MAF: variants seen among roughly 807,000 people sequenced by gnomAD.
The protein encoded by MAF is MAF bZIP transcription factor, also known as transcription factor Maf.
MAF carries 10 observed loss-of-function variants against 22.0 expected under a neutral mutation model. The observed-to-expected ratio is 0.45, with a 90% CI of 0.28 to 0.77. MAF has a LOEUF of 0.77. MAF is among the 30% of genes least tolerant of loss of function. MAF has a pLI of 0.12. For synonymous variants in MAF, 337 were observed against 255.8 expected (o/e 1.32, Z -3.03); for missense variants, 544 against 548.4 (o/e 0.99, Z 0.08).
the MAF span, among the ~76,000 whole-genome samples, chr16:79,221,775 G>A: frequency 1.3e-5 from 2 of 152,086 alleles, no homozygotes; most frequent in Admixed American, 1.3e-4. Context: ...GTGTGTGCAT[G>A]TATGTGTAGA....
the MAF span, among the ~76,000 whole-genome samples, chr16:79,570,290 G>C: frequency 2.6e-5 from 4 of 152,112 alleles, no homozygotes; most frequent in Non-Finnish European, 5.9e-5. Context: ...CTTCCAAAAT[G>C]TCCTGTTATC....
the MAF span, among the ~76,000 whole-genome samples, chr16:79,375,120 T>C: frequency 6.6e-6 from 1 of 152,230 alleles, no homozygotes; most frequent in Non-Finnish European, 1.5e-5. Flanking sequence ...AATAAATGAC[T>C]ACACAAGGTA....
the MAF span, among the ~76,000 whole-genome samples, chr16:79,466,844 G>C: frequency 4.6e-5 from 7 of 152,160 alleles, no homozygotes; most frequent in African/African-American, 1.4e-4. Context: ...CCCTGCCCGC[G>C]ACACCAAAGT....
At chr16:79,543,847 C>T in the MAF span, among the ~76,000 whole-genome samples, 3 of 151,984 alleles carry the variant, frequency 2.0e-5, no homozygotes, top group African/African-American at 7.3e-5. Flanking sequence ...CCACCGCGCC[C>T]GGCTAATTTT....
the MAF span, among the ~76,000 whole-genome samples, chr16:79,365,980 A>G: frequency 6.6e-6 from 1 of 152,246 alleles, no homozygotes; most frequent in Non-Finnish European, 1.5e-5. Flanking sequence ...CCAAGTCAAC[A>G]TCTAAATGAC....
At chr16:79,359,500 T>A in the MAF span, among the ~76,000 whole-genome samples, 1 of 152,216 alleles carries the variant, frequency 6.6e-6, no homozygotes, top group Admixed American at 6.5e-5. Flanking sequence ...ATCAAGCTAA[T>A]GCTTAATGTG....
the MAF span, among the ~76,000 whole-genome samples, chr16:79,440,190 A>T: frequency 6.6e-6 from 1 of 152,190 alleles, no homozygotes; most frequent in Admixed American, 6.5e-5. Context: ...AATGATAAGG[A>T]AGAAAAGCCA....
chr16:79,596,190 A>G, intron 1 of MAF: 2 of 1,062,174 alleles, frequency 1.9e-6, no homozygotes, highest in Non-Finnish European at 2.3e-6. Flanking sequence ...GCCTAGTTCC[A>G]CTGTTTTGTT....
At chr16:79,552,541 G>A in the MAF span, among the ~76,000 whole-genome samples, 3 of 152,142 alleles carry the variant, frequency 2.0e-5, no homozygotes, top group African/African-American at 7.2e-5. Flanking sequence ...TGGCTACTAA[G>A]AGAATTCTTT....
the MAF span, among the ~76,000 whole-genome samples, chr16:79,237,741 G>C: frequency 1.1e-4 from 17 of 152,256 alleles, no homozygotes; most frequent in Admixed American, 5.2e-4. Context: ...CTGTGTATTT[G>C]CAGGGTGCTT....
At chr16:79,206,734 T>C in the MAF span, 4 of 152,184 alleles carry the variant, frequency 2.6e-5, no homozygotes, top group East Asian at 1.9e-4. Flanking sequence ...TTATTCCAAA[T>C]TGAATTGTAT....
At chr16:79,428,124 T>C in the MAF span, among the ~76,000 whole-genome samples, 2 of 150,654 alleles carry the variant, frequency 1.3e-5, no homozygotes, top group Admixed American at 6.6e-5. Context: ...AAAGCTTTTC[T>C]GCTGTGAAGC....
chr16:79,374,990 ATAGAGTGTTAGT>A, the MAF span, among the ~76,000 whole-genome samples: 1 of 152,220 alleles, frequency 6.6e-6, no homozygotes, highest in Admixed American at 6.5e-5. Flanking sequence ...ACACTTGTGA[ATAGAGTGTTAGT>A]TCCTCTATGG....
At chr16:79,449,136 A>G in the MAF span, among the ~76,000 whole-genome samples, 346 of 152,300 alleles carry the variant, frequency 2.3e-3, no homozygotes, top group African/African-American at 7.9e-3. Flanking sequence ...ACAGTTCACA[A>G]TAGGGTTTGT....
chr16:79,230,266 A>T, the MAF span, among the ~76,000 whole-genome samples: 18 of 152,032 alleles, frequency 1.2e-4, no homozygotes, highest in African/African-American at 4.3e-4. Flanking sequence ...CTGGGTTCTG[A>T]CCTTTCACCC....
chr16:79,537,068 C>T, the MAF span, among the ~76,000 whole-genome samples: 1 of 152,130 alleles, frequency 6.6e-6, no homozygotes, highest in Non-Finnish European at 1.5e-5. Context: ...CACATGTACC[C>T]AGAAGCTCAC....
At chr16:79,590,116 C>A (rs1380646753), downstream of MAF, among the ~76,000 whole-genome samples, 3 of 152,158 alleles carry the variant, frequency 2.0e-5, no homozygotes, top group Non-Finnish European at 2.9e-5. Context: ...AGCCACCAGG[C>A]TCGGGCAGTG....
the MAF span, among the ~76,000 whole-genome samples, chr16:79,563,029 G>C: frequency 6.6e-6 from 1 of 152,198 alleles, no homozygotes; most frequent in African/African-American, 2.4e-5. Flanking sequence ...CATCCGTTCA[G>C]CAAATATCAA....
At chr16:79,584,395 T>C (rs1912716427), downstream of MAF, among the ~76,000 whole-genome samples, 1 of 152,228 alleles carries the variant, frequency 6.6e-6, no homozygotes, top group Non-Finnish European at 1.5e-5. Flanking sequence ...CAAGGAATTG[T>C]CCTTCTCCTC....
Sources: allele counts gnomAD v4.1 joint callset (sites outside exome capture counted in the v4.1 genomes callset), GRCh38; gene constraint gnomAD v4.1.1; transcripts MANE v1.5; gene names NCBI Gene and HGNC (gene_info 2026-07-23, HGNC 2026-07-21).